LTBP1: variants seen among roughly 807,000 people sequenced by gnomAD.
LTBP1 encodes latent transforming growth factor beta binding protein 1, also known as latent-transforming growth factor beta-binding protein 1.
A neutral mutation model predicts 207.6 loss-of-function variants in LTBP1; 129 were observed. The observed-to-expected ratio is 0.62, with a 90% CI of 0.54 to 0.72. The LOEUF (loss-of-function observed/expected upper bound fraction) is 0.72. Ranked by LOEUF, LTBP1 falls within the 30% of genes least tolerant of loss-of-function variation. The pLI, the probability that LTBP1 is intolerant of heterozygous loss-of-function variation, is 0.00. For synonymous variants in LTBP1, 963 were observed against 833.7 expected (o/e 1.16, Z -2.67); for missense variants, 2,281 against 2,217.2 (o/e 1.03, Z -0.58).
At chr2:33,210,092 A>T (rs894527148) in intron 7 of LTBP1, among the ~76,000 whole-genome samples, 1 of 152,064 alleles carries the variant, frequency 6.6e-6, no homozygotes, top group Admixed American at 6.5e-5. Flanking sequence ...GTTCAAGGGG[A>T]ATGTGGTTGT....
intron 7 of LTBP1, among the ~76,000 whole-genome samples, chr2:33,189,582 A>T (rs895340010): frequency 1.3e-5 from 2 of 152,154 alleles, no homozygotes; most frequent in Non-Finnish European, 2.9e-5. Flanking sequence ...CAGGCGTGAG[A>T]TATGGTACAG....
intron 7 of LTBP1, among the ~76,000 whole-genome samples, chr2:33,210,544 A>G (rs925653087): frequency 1.3e-5 from 2 of 152,180 alleles, no homozygotes; most frequent in Non-Finnish European, 2.9e-5. Flanking sequence ...ATTTAATTGG[A>G]AGCAATATAA....
rs34951035 is a variant in LTBP1, at chr2:33,099,464, A to ATT, written c.864-11112_864-11111dup. Among the ~76,000 whole-genome samples, 13 of 152,204 alleles carry ATT rather than the reference A, an allele frequency of 8.5e-5. No homozygotes were observed. In the South Asian group the frequency reaches 2.7e-3, roughly 32 times the overall value. ...TTTAAAAAATTTTCCCGTATGAAAT[A>ATT]TTTTTTTGGTGTGACTGGAGAACAG... On this transcript the variant is annotated intron_variant, in intron 3 of 33. Transcript: ENST00000404816.
intron 2 of LTBP1, among the ~76,000 whole-genome samples, chr2:32,961,084 T>C (rs562100414): frequency 4.1e-4 from 63 of 152,202 alleles, no homozygotes; most frequent in Non-Finnish European, 8.2e-4. Context: ...CATGGAAAAA[T>C]ATCTTACGTA....
chr2:33,039,070 G>A (rs530400834), intron 3 of LTBP1, among the ~76,000 whole-genome samples: 1 of 152,142 alleles, frequency 6.6e-6, no homozygotes, highest in African/African-American at 2.4e-5. Context: ...TTTCATTTGG[G>A]CAGTCTCTAG....
chr2:33,391,119 A>T (rs1420961522), intron 32 of LTBP1, among the ~76,000 whole-genome samples: 1 of 149,622 alleles, frequency 6.7e-6, no homozygotes, highest in Non-Finnish European at 1.5e-5. Flanking sequence ...TGGTAGAATT[A>T]AAAATGTTTT....
intron 3 of LTBP1, among the ~76,000 whole-genome samples, chr2:33,087,538 C>T (rs1357898873): frequency 6.6e-6 from 1 of 152,140 alleles, no homozygotes; most frequent in African/African-American, 2.4e-5. Flanking sequence ...TATTGTGTAA[C>T]AGAGAATAAA....
chr2:33,218,028 C>T (rs2090845375), intron 8 of LTBP1, among the ~76,000 whole-genome samples: 1 of 152,088 alleles, frequency 6.6e-6, no homozygotes, highest in South Asian at 2.1e-4. Flanking sequence ...GGTTTAAATT[C>T]CTTAAATGAG....
At chr2:33,226,510 A>C (rs1452599653) in intron 9 of LTBP1, among the ~76,000 whole-genome samples, 1 of 152,224 alleles carries the variant, frequency 6.6e-6, no homozygotes, top group Non-Finnish European at 1.5e-5. Context: ...GCTATCCCAG[A>C]GGTGGGGTGG....
At chr2:33,336,357 T>G (rs772334848) in intron 24 of LTBP1, among the ~76,000 whole-genome samples, 7 of 152,198 alleles carry the variant, frequency 4.6e-5, no homozygotes, top group Non-Finnish European at 1.0e-4. Context: ...CACAGACAGA[T>G]TCAGAGGATT....
At chr2:33,201,636 AAAAAAAAG>A (rs2089289026) in intron 7 of LTBP1, among the ~76,000 whole-genome samples, 1 of 140,720 alleles carries the variant, frequency 7.1e-6, no homozygotes, top group Non-Finnish European at 1.6e-5. Flanking sequence ...AATGATAATA[AAAAAAAAG>A]AAGAAGAAAA....
At chr2:33,026,787 G>A (rs1184028279) in intron 3 of LTBP1, among the ~76,000 whole-genome samples, 1 of 152,174 alleles carries the variant, frequency 6.6e-6, no homozygotes, top group African/African-American at 2.4e-5. Flanking sequence ...AACTTAAAAA[G>A]ATGTTAAATT....
Position 33,301,632 on chromosome 2 carries a change from G to A in LTBP1, c.3469G>A (p.Asp1157Asn), listed in dbSNP as rs1453571638. 1 of 1,598,090 alleles carries A rather than the reference G, an allele frequency of 6.3e-7. No individual in the cohort carries two copies. Among genetic ancestry groups the A allele is most frequent in the Non-Finnish European group, 8.5e-7 (1 of 1,175,038 alleles). ...DQGYRASGLG[D>N]HCEDINECLE... is the part of the protein sequence containing the mutation. ...GGGTTACAGAGCATCTGGGCTTGGAGACCACTGTGAAGGTAAGAATTGCTC... is the reference window on the plus strand; with the variant it reads ...GGGTTACAGAGCATCTGGGCTTGGAAACCACTGTGAAGGTAAGAATTGCTC... The change falls in exon 22 of 34, where the codon GAC becomes AAC. Residue 1157 changes from aspartate to asparagine, a missense_variant. Physicochemically the swap from Asp to Asn is conservative, Grantham distance 23. Coordinates refer to ENST00000404816, the MANE Select transcript of LTBP1 (RefSeq NM_206943.4).
chr2:33,146,889 TTA>T (rs2083095979), intron 5 of LTBP1, among the ~76,000 whole-genome samples: 1 of 152,196 alleles, frequency 6.6e-6, no homozygotes, highest in Non-Finnish European at 1.5e-5. Flanking sequence ...GATTACAATT[TTA>T]TATGAGATTT....
At chr2:33,217,515 TC>T in intron 7 of LTBP1, 36 bp from the exon 8 acceptor site, 1 of 1,475,914 alleles carries the variant, frequency 6.8e-7, no homozygotes, top group African/African-American at 1.4e-5. Flanking sequence ...CATCCTGCAC[TC>T]AATTAACCTT....
chr2:33,339,720 A>G (rs1423614743), intron 24 of LTBP1, among the ~76,000 whole-genome samples: 1 of 148,850 alleles, frequency 6.7e-6, no homozygotes, highest in African/African-American at 2.5e-5. Flanking sequence ...ATCTCGGCCC[A>G]CTGCAACCTC....
At chr2:33,089,840 C>T (rs998689063) in intron 3 of LTBP1, among the ~76,000 whole-genome samples, 1 of 152,176 alleles carries the variant, frequency 6.6e-6, no homozygotes, top group Non-Finnish European at 1.5e-5. Flanking sequence ...ATAACATTTG[C>T]TTTTCAAACA....
At chr2:33,367,939 G>A (rs189368171) in intron 31 of LTBP1, among the ~76,000 whole-genome samples, 87 of 152,304 alleles carry the variant, frequency 5.7e-4, no homozygotes, top group Non-Finnish European at 1.0e-3. Flanking sequence ...TTTTGGCCGT[G>A]CGCGGTGGCT....
At chr2:33,282,027 A>T (rs1053900260) in intron 19 of LTBP1, among the ~76,000 whole-genome samples, 36 of 149,252 alleles carry the variant, frequency 2.4e-4, no homozygotes, top group Non-Finnish European at 4.7e-4. Context: ...TCTTCAATAT[A>T]AATAATACTA....
Sources: allele counts gnomAD v4.1 joint callset (sites outside exome capture counted in the v4.1 genomes callset), GRCh38; gene constraint gnomAD v4.1.1; transcripts MANE v1.5; gene names NCBI Gene and HGNC (gene_info 2026-07-23, HGNC 2026-07-21).